PDS5B: variants seen among roughly 807,000 people sequenced by gnomAD.
The protein encoded by PDS5B is sister chromatid cohesion protein PDS5 homolog B.
A neutral mutation model predicts 184.1 loss-of-function variants in PDS5B; 51 were observed. The observed-to-expected ratio is 0.28, with a 90% CI of 0.22 to 0.35. The LOEUF is 0.35. Among genes scored for constraint, PDS5B ranks in the 10% least tolerant of loss-of-function variants. PDS5B has a pLI of 1.00. For synonymous variants in PDS5B, 566 were observed against 569.2 expected (o/e 0.99, Z 0.08); for missense variants, 1,180 against 1,723.3 (o/e 0.68, Z 5.58).
chr13:32,752,861 A>G (rs933180012), intron 24 of PDS5B, among the ~76,000 whole-genome samples: 16 of 152,090 alleles, frequency 1.1e-4, no homozygotes, highest in Admixed American at 6.6e-4. Context: ...GGGTCTTGCT[A>G]TGTCTGCCTT....
intron 9 of PDS5B, among the ~76,000 whole-genome samples, chr13:32,677,497 A>G (rs1951103903): frequency 6.6e-6 from 1 of 152,096 alleles, no homozygotes; most frequent in African/African-American, 2.4e-5. Context: ...TTAAGGAGTT[A>G]GTCTTTTAAA....
chr13:32,774,997 C>G lies in PDS5B; in HGVS notation c.4309-20C>G, dbSNP rs745602601. On this transcript the variant is annotated intron_variant, in intron 34 of 34. Coordinates refer to ENST00000315596, the MANE Select transcript of PDS5B (RefSeq NM_015032.4). Reference sequence around the variant, plus strand: ...ACATATACCCATTTTAATTAAGCATCTGGTGACTTTCCTTTTAAGGTACGG... The same window carrying G: ...ACATATACCCATTTTAATTAAGCATGTGGTGACTTTCCTTTTAAGGTACGG... 1.2e-6 allele frequency: 2 copies of G among 1,609,488 alleles called. No individual in the cohort carries two copies. The highest frequency in any genetic ancestry group is 1.7e-5 in the Admixed American group (1 of 59,904).
intron 19 of PDS5B, among the ~76,000 whole-genome samples, chr13:32,725,318 C>A (rs749621886): frequency 1.5e-4 from 23 of 152,128 alleles, no homozygotes; most frequent in Non-Finnish European, 2.9e-4. Context: ...TTATGGTGAT[C>A]ACATGCATTG....
At position 32,772,961 on chromosome 13, in the gene PDS5B, T is replaced by A. The variant is rs1372592772; in HGVS notation, c.4173-228T>A. 2.0e-5 allele frequency among the ~76,000 whole-genome samples: 3 copies of A among 152,192 alleles called. No homozygotes were observed. The East Asian group carries it at 5.8e-4, about 29-fold the overall frequency. On this transcript the variant is annotated intron_variant, in intron 33 of 34. Transcript: ENST00000315596. The stretch of plus-strand genomic sequence containing the variant: ...GAAAGGAAGAGCAGACTTTAGGTTA[T>A]GGTATGTTCTCAGTCACATTTTTTT...
chr13:32,656,921 C>T (rs568964837), intron 3 of PDS5B, among the ~76,000 whole-genome samples: 2 of 152,252 alleles, frequency 1.3e-5, no homozygotes, highest in African/African-American at 4.8e-5. Flanking sequence ...ATTTGGCTGT[C>T]AACTTCAACA....
At chr13:32,643,028 T>A (rs1950137712) in intron 1 of PDS5B, among the ~76,000 whole-genome samples, 1 of 152,172 alleles carries the variant, frequency 6.6e-6, no homozygotes. Context: ...GTTACATGGA[T>A]GAGTATATTT....
At chr13:32,695,633 T>A (rs1951679742) in intron 14 of PDS5B, among the ~76,000 whole-genome samples, 1 of 152,018 alleles carries the variant, frequency 6.6e-6, no homozygotes, top group Non-Finnish European at 1.5e-5. Context: ...AACATCCAGG[T>A]AGTATGTTAA....
At chr13:32,773,398 T>C (rs1281852379) in intron 34 of PDS5B, 74 bp downstream of exon 34, 1 of 1,274,130 alleles carries the variant, frequency 7.8e-7, no homozygotes, top group African/African-American at 1.5e-5. Flanking sequence ...GATCATTTAG[T>C]ACTTGTTTAG....
At chr13:32,685,865 C>T (rs768771919) in intron 11 of PDS5B, among the ~76,000 whole-genome samples, 14 of 151,982 alleles carry the variant, frequency 9.2e-5, no homozygotes, top group Non-Finnish European at 1.3e-4. Flanking sequence ...GTCTCGAATT[C>T]CTGGTCTCAA....
intron 1 of PDS5B, among the ~76,000 whole-genome samples, chr13:32,592,741 C>G (rs60609138): frequency 0.038 from 5,832 of 152,108 alleles, 348 homozygotes; most frequent in African/African-American, 0.13. Flanking sequence ...AATATATGCT[C>G]CTATGATATA....
At chr13:32,729,242 C>T (rs1953017428) in intron 19 of PDS5B, among the ~76,000 whole-genome samples, 1 of 152,100 alleles carries the variant, frequency 6.6e-6, no homozygotes, top group African/African-American at 2.4e-5. Flanking sequence ...TGATGGTTTC[C>T]AGCTTCATCC....
At chr13:32,755,988 T>C in intron 26 of PDS5B, 32 bp downstream of exon 26, 1 of 1,067,438 alleles carries the variant, frequency 9.4e-7, no homozygotes. Context: ...TTTCATATTT[T>C]CTGAAAGTTA....
intron 23 of PDS5B, among the ~76,000 whole-genome samples, chr13:32,745,059 T>C (rs1190197037): frequency 1.3e-5 from 2 of 152,186 alleles, no homozygotes; most frequent in South Asian, 2.1e-4. Flanking sequence ...TGTTTAGATG[T>C]ATTTACTAGT....
chr13:32,745,989 G>A lies in PDS5B; in HGVS notation c.2625G>A (p.Met875Ile), dbSNP rs1346874315. The change falls in exon 24 of 35, where the codon ATG becomes ATA. Residue 875 changes from methionine to isoleucine, a missense_variant. This residue lies in a region of PDS5B where 475 missense variants were observed against 691.5 expected (regional missense o/e 0.69). Coordinates refer to ENST00000315596, the MANE Select transcript of PDS5B (RefSeq NM_015032.4). The stretch of plus-strand genomic sequence containing the variant: ...ACTCATTTTTCAGTAAACCAGATAT[G>A]TCACGTCTGAGACTTGCTGCTGGGA... ...TEQGKISKPD[M>I]SRLRLAAGSA... is the part of the protein sequence containing the mutation. The A allele has an allele frequency of 6.2e-7, 1 of 1,612,184 alleles. No individual in the cohort carries two copies. Among genetic ancestry groups the A allele is most frequent in the Non-Finnish European group, 8.5e-7 (1 of 1,178,376 alleles).
chr13:32,616,061 T>C (rs76094715), intron 1 of PDS5B, among the ~76,000 whole-genome samples: 192 of 149,622 alleles, frequency 1.3e-3, no homozygotes, highest in Middle Eastern at 6.8e-3. Context: ...CTCTCTCTCT[T>C]TTTTTTTTTG....
At chr13:32,727,752 T>A (rs1392774743) in intron 19 of PDS5B, among the ~76,000 whole-genome samples, 1 of 152,156 alleles carries the variant, frequency 6.6e-6, no homozygotes, top group Non-Finnish European at 1.5e-5. Context: ...ATAATATGCC[T>A]TGAAATGGTT....
chr13:32,628,222 T>C (rs1344232709), intron 1 of PDS5B, among the ~76,000 whole-genome samples: 2 of 152,186 alleles, frequency 1.3e-5, no homozygotes, highest in African/African-American at 4.8e-5. Context: ...CAAGCTCAAA[T>C]CATTTCTATA....
chr13:32,737,583 G>C (rs1024451142), intron 21 of PDS5B, among the ~76,000 whole-genome samples: 1 of 152,110 alleles, frequency 6.6e-6, no homozygotes, highest in African/African-American at 2.4e-5. Flanking sequence ...GTAGCTGTCT[G>C]TTGCCTTCAA....
intron 1 of PDS5B, among the ~76,000 whole-genome samples, chr13:32,603,753 A>G (rs539120567): frequency 2.0e-5 from 3 of 151,814 alleles, no homozygotes; most frequent in Non-Finnish European, 4.4e-5. Flanking sequence ...GTCCTCTTTT[A>G]TTTCGTTGAG....
Sources: allele counts gnomAD v4.1 joint callset (sites outside exome capture counted in the v4.1 genomes callset), GRCh38; gene constraint gnomAD v4.1.1; regional missense constraint gnomAD v4.1.1; transcripts MANE v1.5; gene names NCBI Gene and HGNC (gene_info 2026-07-23, HGNC 2026-07-21).